The following RAB3GAP1 variants were observed in gnomAD, a reference collection of about 807,000 sequenced individuals.
RAB3GAP1 encodes the protein rab3 GTPase-activating protein catalytic subunit.
RAB3GAP1 carries 86 observed loss-of-function variants against 130.7 expected under a neutral mutation model. That is an observed-to-expected ratio of 0.66 (90% CI 0.55 to 0.79). RAB3GAP1 has a LOEUF of 0.79. Among genes scored for constraint, RAB3GAP1 ranks in the 30% least tolerant of loss-of-function variants. The pLI, the probability that RAB3GAP1 is intolerant of heterozygous loss-of-function variation, is 0.00. For missense variants in RAB3GAP1, 1,029 were observed against 1,169.4 expected, an observed-to-expected ratio of 0.88 and a Z score of 1.75; for synonymous variants, 367 against 401.7, an observed-to-expected ratio of 0.91 and a Z score of 1.03.
chr2:135,154,577 T>C lies in RAB3GAP1; in HGVS notation c.2289+701T>C, dbSNP rs1376141938. 5.3e-5 allele frequency among the ~76,000 whole-genome samples: 8 copies of C among 152,168 alleles called. No homozygotes were observed. The East Asian group carries it at 5.8e-4, about 11-fold the overall frequency. On this transcript the variant is annotated intron_variant, in intron 19 of 23. Coordinates refer to ENST00000264158, the MANE Select transcript of RAB3GAP1 (RefSeq NM_012233.3). ...CTGCTCTCAGTCTTTGCAGATATAT[T>C]GAGTAGGGGGCAGGAAAAGAAAAAG...
intron 3 of RAB3GAP1, among the ~76,000 whole-genome samples, chr2:135,059,465 A>G (rs567822278): frequency 2.0e-5 from 3 of 152,318 alleles, no homozygotes; most frequent in Admixed American, 6.5e-5. Context: ...AATTCTAGTG[A>G]GGGTGATCAG....
At chr2:135,173,854 G>T (rs1558812395), downstream of RAB3GAP1, among the ~76,000 whole-genome samples, 1 of 152,116 alleles carries the variant, frequency 6.6e-6, no homozygotes, top group Non-Finnish European at 1.5e-5. Flanking sequence ...GTGGGTGGAT[G>T]GATGGATGGT....
intron 17 of RAB3GAP1, among the ~76,000 whole-genome samples, chr2:135,143,341 C>A (rs369099586): frequency 2.6e-5 from 4 of 151,770 alleles, no homozygotes; most frequent in Non-Finnish European, 1.5e-5. Context: ...TGTTCCTGAT[C>A]TATAAGAGGG....
At chr2:135,090,919 A>G (rs967463827) in intron 3 of RAB3GAP1, 79 bp from the exon 4 acceptor site, 21 of 1,367,512 alleles carry the variant, frequency 1.5e-5, no homozygotes, top group East Asian at 2.3e-5. Context: ...GAAAAAGGGG[A>G]AAATATCCCT....
intron 3 of RAB3GAP1, among the ~76,000 whole-genome samples, chr2:135,087,577 G>A (rs1271547613): frequency 1.3e-5 from 2 of 152,064 alleles, no homozygotes; most frequent in African/African-American, 2.4e-5. Context: ...AGTATTTTAG[G>A]TAGAGTTTTT....
At chr2:135,052,407 T>A in intron 1 of RAB3GAP1, 23 bp from the exon 2 acceptor site, 1 of 1,614,176 alleles carries the variant, frequency 6.2e-7, no homozygotes, top group Non-Finnish European at 8.5e-7. Flanking sequence ...TAATTTCTTT[T>A]TCTCTCCTTC....
chr2:135,053,015 G>C (rs1351988023), intron 2 of RAB3GAP1, among the ~76,000 whole-genome samples: 1 of 152,184 alleles, frequency 6.6e-6, no homozygotes, highest in Non-Finnish European at 1.5e-5. Flanking sequence ...TTTGGAGACA[G>C]AGTCTCAGTC....
chr2:135,077,434 G>A (rs562219713), intron 3 of RAB3GAP1, among the ~76,000 whole-genome samples: 2 of 152,178 alleles, frequency 1.3e-5, no homozygotes, highest in Admixed American at 6.5e-5. Context: ...GCTCATGCCT[G>A]TAATCCCAGC....
At chr2:135,171,216 A>G (rs1692842782), downstream of RAB3GAP1, among the ~76,000 whole-genome samples, 1 of 152,178 alleles carries the variant, frequency 6.6e-6, no homozygotes, top group South Asian at 2.1e-4. Flanking sequence ...GGGGCAAGAA[A>G]TGAAGATGGT....
At chr2:135,176,308 G>C (rs554947259) in exon 25 of RAB3GAP1, 2 of 152,240 alleles carry the variant, frequency 1.3e-5, no homozygotes, top group Admixed American at 1.3e-4. Context: ...CTCCCATGTT[G>C]ATTGCAGCAC....
chr2:135,091,151 A>T (rs780454968), intron 4 of RAB3GAP1, 21 bp downstream of exon 4: 1 of 1,539,736 alleles, frequency 6.5e-7, no homozygotes, highest in Admixed American at 1.7e-5. Context: ...TCTATATAAT[A>T]ATATTAACTT....
intron 5 of RAB3GAP1, among the ~76,000 whole-genome samples, chr2:135,099,417 T>G (rs937408894): frequency 4.0e-5 from 6 of 150,314 alleles, no homozygotes; most frequent in Non-Finnish European, 7.4e-5. Flanking sequence ...TTCTTTGTGG[T>G]GCAATTTGTA....
chr2:135,119,228 C>T (rs1408071457), intron 7 of RAB3GAP1, among the ~76,000 whole-genome samples: 1 of 152,076 alleles, frequency 6.6e-6, no homozygotes, highest in Non-Finnish European at 1.5e-5. Flanking sequence ...CCTGCCTCAG[C>T]CTCCCAAGTA....
chr2:135,154,011 A>G lies in RAB3GAP1; in HGVS notation c.2289+135A>G, dbSNP rs186820916. 3.6e-4 allele frequency: 294 copies of G among 819,950 alleles called. 1 individual carries two copies. The highest frequency in any genetic ancestry group is 2.4e-3 in the Middle Eastern group (9 of 3,736). 50.8% of individuals were successfully genotyped at this position (819,950 alleles called of 1,614,324 possible). ...TTGAAATTCAATGAGCGTTTTATAT[A>G]TCTACTATTCACATTTAAGATTCTA... On this transcript the variant is annotated intron_variant, in intron 19 of 23. Transcript: ENST00000264158.
rs1263324883 is a variant in RAB3GAP1, at chr2:135,130,618, T to C, written c.1133T>C (p.Leu378Ser). ...CCGGCATCAGTTCCAATTCATAAAT[T>C]ATCAGTTTCAAATATGGTACACACT... ...TEPASVPIHK[L>S]SVSNMVHTAK... Residue 378 changes from leucine (L) to serine (S), a missense_variant, in exon 13 of 24, where the codon TTA (leucine) becomes TCA (serine). Transcript: ENST00000264158. 2 of 1,613,800 alleles carry C rather than the reference T, an allele frequency of 1.2e-6. No homozygotes were observed. Among genetic ancestry groups the C allele is most frequent in the Admixed American group, 3.3e-5 (2 of 60,022 alleles).
intron 5 of RAB3GAP1, among the ~76,000 whole-genome samples, chr2:135,112,195 CTG>C (rs1321543553): frequency 6.6e-5 from 10 of 152,196 alleles, no homozygotes; most frequent in Non-Finnish European, 1.0e-4. Context: ...TGACCTCAAA[CTG>C]TAATATGATG....
chr2:135,166,878 TA>T (rs1257797615), intron 23 of RAB3GAP1, among the ~76,000 whole-genome samples: 1 of 152,172 alleles, frequency 6.6e-6, no homozygotes, highest in Non-Finnish European at 1.5e-5. Context: ...CTAACCCCCT[TA>T]ATGGCTACTG....
intron 18 of RAB3GAP1, 76 bp downstream of exon 18, chr2:135,150,582 GTGGTATAAAGGCCTGAA>G: frequency 1.3e-6 from 2 of 1,577,996 alleles, no homozygotes; most frequent in Non-Finnish European, 1.7e-6. Context: ...ACTCTGTAAA[GTGGTATAAAGGCCTGAA>G]TGTCTTTTTG....
intron 18 of RAB3GAP1, among the ~76,000 whole-genome samples, chr2:135,152,009 C>T (rs1692191445): frequency 6.6e-6 from 1 of 152,192 alleles, no homozygotes; most frequent in South Asian, 2.1e-4. Context: ...AACCTGGGTA[C>T]CTGCAAATCT....
Sources: gnomAD v4.1 joint callset for allele counts (sites outside exome capture counted in the v4.1 genomes callset) on GRCh38, gnomAD v4.1.1 for gene constraint, MANE v1.5 for transcripts, NCBI Gene and HGNC (gene_info 2026-07-23, HGNC 2026-07-21) for gene names.